The following APC variants were observed in gnomAD, a reference collection of about 807,000 sequenced individuals.
The protein encoded by APC is APC regulator of Wnt signaling pathway, also known as adenomatous polyposis coli protein.
In APC, 72 loss-of-function variants were observed where a neutral mutation model predicts 247.0. That is an observed-to-expected ratio of 0.29 (90% confidence interval 0.24 to 0.35). The LOEUF is 0.35. Ranked by LOEUF, APC falls within the 10% of genes least tolerant of loss-of-function variation. The pLI, the probability that APC is intolerant of heterozygous loss-of-function variation, is 1.00. For synonymous variants in APC, 1,254 were observed against 1,162.5 expected (o/e 1.08, Z -1.60); for missense variants, 3,400 against 3,360.7 (o/e 1.01, Z -0.29).
In APC at chr5:112,773,168, T is replaced by C. The variant is rs2707763; in HGVS notation, c.423-2461T>C. Among the ~76,000 whole-genome samples the C allele has an allele frequency of 0.42, 64,501 of 152,040 alleles. 15,966 individuals are homozygous for C. The highest frequency in any genetic ancestry group is 0.67 in the East Asian group (3,462 of 5,160). ...AGGTTGCCACATAAGAACAAAAGCT[T>C]ATTTCTTATTTTTTAAGTTGCTTCT... On this transcript the variant is annotated intron_variant, in intron 4 of 15. Transcript: ENST00000257430.
At position 112,841,091 on chromosome 5, in the gene APC, A is replaced by G. The variant is rs2149941627; in HGVS notation, c.5497A>G (p.Arg1833Gly). The change falls in exon 16 of 16, where the codon AGA becomes GGA. Residue 1833 changes from arginine (R) to glycine (G), a missense_variant. This residue lies in a region of APC where 1,788 missense variants were observed against 1,649.5 expected (regional missense o/e 1.08). Transcript: ENST00000257430. The surrounding 1 kb of genome is among the most constrained non-coding windows in gnomAD (Gnocchi z 4.6). ...TGATAAGCTCCCAAATAATGAAGAT[A>G]GAGTCAGAGGAAGTTTTGCTTTTGA... is the stretch of plus-strand genomic sequence containing the variant. ...FNDKLPNNEDRVRGSFAFDSP... is the reference protein window; with the variant it reads ...FNDKLPNNEDGVRGSFAFDSP... The G allele has an allele frequency of 1.2e-6, 2 of 1,612,942 alleles. No homozygotes were observed. Among genetic ancestry groups the G allele is most frequent in the Non-Finnish European group, 1.7e-6 (2 of 1,178,916 alleles).
At position 112,797,282 on chromosome 5, in the gene APC, G is replaced by A. The variant is rs545926924; in HGVS notation, c.730-3997G>A. On this transcript the variant is annotated intron_variant, in intron 7 of 15. Coordinates refer to ENST00000257430, the MANE Select transcript of APC (RefSeq NM_000038.6). ...ACTTTTTACAATTTTGCCGTTTGTG[G>A]TTTGTTTATTGCATTATTTTATTCT... 3.3e-5 allele frequency among the ~76,000 whole-genome samples: 5 copies of A among 152,252 alleles called. No individual in the cohort carries two copies. The South Asian group carries it at 1.0e-3, about 32-fold the overall frequency.
chr5:112,795,752 C>A (rs980030640), intron 7 of APC, among the ~76,000 whole-genome samples: 1 of 152,202 alleles, frequency 6.6e-6, no homozygotes, highest in Non-Finnish European at 1.5e-5. Context: ...ATACGTTTTT[C>A]TCATGCACCC....
chr5:112,831,974 A>T (rs753042987), intron 14 of APC, among the ~76,000 whole-genome samples: 1 of 152,096 alleles, frequency 6.6e-6, no homozygotes, highest in African/African-American at 2.4e-5. Flanking sequence ...TACTATCTTG[A>T]GTTCCTCCTA....
intron 7 of APC, among the ~76,000 whole-genome samples, chr5:112,795,218 G>A (rs554174268): frequency 8.5e-5 from 13 of 152,074 alleles, no homozygotes; most frequent in African/African-American, 3.1e-4. Flanking sequence ...AGTAGAGATG[G>A]GGTTTCACCA....
intron 2 of APC, among the ~76,000 whole-genome samples, chr5:112,757,090 C>T (rs1755065660): frequency 6.6e-6 from 1 of 152,078 alleles, no homozygotes; most frequent in Non-Finnish European, 1.5e-5. Context: ...ATACCTGAAA[C>T]CAACCATAAA....
At chr5:112,715,569 T>C (rs952138220) in intron 1 of APC, among the ~76,000 whole-genome samples, 1 of 152,180 alleles carries the variant, frequency 6.6e-6, no homozygotes, top group African/African-American at 2.4e-5. Flanking sequence ...TTGTGTATAG[T>C]TGGAATGAAT....
At chr5:112,745,150 A>G (rs1157496658) in intron 1 of APC, among the ~76,000 whole-genome samples, 1 of 152,338 alleles carries the variant, frequency 6.6e-6, no homozygotes, top group African/African-American at 2.4e-5. Context: ...AGAACTTTAT[A>G]TACTTTTCCT....
intron 2 of APC, among the ~76,000 whole-genome samples, chr5:112,764,121 C>G (rs1351117071): frequency 6.6e-6 from 1 of 151,392 alleles, no homozygotes; most frequent in Non-Finnish European, 1.5e-5. Context: ...TGGCGGGAGC[C>G]TGTAGTCCCA....
At chr5:112,813,853 C>A (rs947443026) in intron 8 of APC, among the ~76,000 whole-genome samples, 1 of 152,116 alleles carries the variant, frequency 6.6e-6, no homozygotes, top group Non-Finnish European at 1.5e-5. Context: ...TCCCCTTGTA[C>A]CCTCTAGAGT....
At chr5:112,771,064 G>T (rs1756991648) in intron 4 of APC, among the ~76,000 whole-genome samples, 1 of 152,050 alleles carries the variant, frequency 6.6e-6, no homozygotes, top group Admixed American at 6.5e-5. Context: ...TGTGAAATAA[G>T]TGGGTTTTTT....
chr5:112,793,146 C>T (rs140139845), intron 7 of APC, among the ~76,000 whole-genome samples: 1,639 of 152,222 alleles, frequency 0.011, 22 homozygotes, highest in Non-Finnish European at 0.013. Context: ...CTTTCCAGAA[C>T]CTCCCTACAA....
rs753209586 is a variant in APC, at chr5:112,838,935, G to A, written c.3341G>A (p.Arg1114Gln). The change falls in exon 16 of 16, where the codon CGA becomes CAA. Residue 1114 changes from arginine (R) to glutamine (Q), a missense_variant. Physicochemically the swap from Arg to Gln is conservative, Grantham distance 43 (BLOSUM62 1). Coordinates refer to ENST00000257430, the MANE Select transcript of APC (RefSeq NM_000038.6). ...GGAGCCAATGGTTCAGAAACAAATCGAGTGGGTTCTAATCATGGAATTAAT... is the reference window on the plus strand; with the variant it reads ...GGAGCCAATGGTTCAGAAACAAATCAAGTGGGTTCTAATCATGGAATTAAT... ...SRGANGSETN[R>Q]VGSNHGINQN... is the part of the protein sequence containing the mutation. The A allele has an allele frequency of 1.2e-5, 19 of 1,613,972 alleles. No homozygotes were observed. The highest frequency in any genetic ancestry group is 5.3e-5 in the African/African-American group (4 of 74,918).
intron 13 of APC, 82 bp from the exon 14 acceptor site, chr5:112,828,774 A>G (rs553542366): frequency 4.2e-6 from 4 of 962,008 alleles, no homozygotes; most frequent in African/African-American, 1.6e-5. Flanking sequence ...ATAGATTTCT[A>G]TTCTTACTGC....
rs730881248 is a variant in APC at position 112,839,657 on chromosome 5, T to C, written c.4063T>C (p.Ser1355Pro). ...AGCCAGGCACAAAGCTGTTGAATTT[T>C]CTTCAGGAGCGAAATCTCCCTCCAA... ...ESARHKAVEF[S>P]SGAKSPSKSG... Residue 1355 changes from serine to proline, a missense_variant, in exon 16 of 16, where the codon TCT becomes CCT. Coordinates refer to ENST00000257430, the MANE Select transcript of APC (RefSeq NM_000038.6). The surrounding 1 kb of genome is among the most constrained non-coding windows in gnomAD (Gnocchi z 5.0). 6.2e-7 allele frequency: 1 copy of C among 1,614,162 alleles called. No individual in the cohort carries two copies. The highest frequency in any genetic ancestry group is 8.5e-7 in the Non-Finnish European group (1 of 1,180,012).
chr5:112,744,683 G>C (rs1451712189), intron 1 of APC, among the ~76,000 whole-genome samples: 2 of 152,006 alleles, frequency 1.3e-5, no homozygotes, highest in South Asian at 2.1e-4. Flanking sequence ...AAGGGGAGGA[G>C]GTATAAACAA....
Position 112,827,187 on chromosome 5 carries a change from A to G in APC, c.1488A>G (p.Thr496=), listed in dbSNP as rs9282599. 1 of 1,613,964 alleles carries G rather than the reference A, an allele frequency of 6.2e-7. No individual in the cohort carries two copies. Among genetic ancestry groups the G allele is most frequent in the East Asian group, 2.2e-5 (1 of 44,840 alleles). The change falls in exon 12 of 16, where the codon ACA becomes ACG. Residue 496 remains threonine, a synonymous_variant. Coordinates refer to ENST00000257430, the MANE Select transcript of APC (RefSeq NM_000038.6). ...YGLTNDHYSI[T]LRRYAGMALT... The stretch of plus-strand genomic sequence containing the variant: ...TTACTAATGACCACTACAGTATTAC[A>G]CTAAGACGATATGCTGGAATGGCTT...
chr5:112,786,834 T>C (rs980632739), intron 6 of APC, among the ~76,000 whole-genome samples: 2 of 152,066 alleles, frequency 1.3e-5, no homozygotes, highest in Admixed American at 6.6e-5. Context: ...ATTTAGGTTT[T>C]GTGGACCATA....
intron 1 of APC, among the ~76,000 whole-genome samples, chr5:112,714,337 C>T (rs1292997864): frequency 6.6e-6 from 1 of 152,206 alleles, no homozygotes; most frequent in Non-Finnish European, 1.5e-5. Context: ...TGCCCCTGCA[C>T]ATGTATACAC....
Sources: allele counts gnomAD v4.1 joint callset (sites outside exome capture counted in the v4.1 genomes callset), GRCh38; gene constraint gnomAD v4.1.1; regional missense constraint gnomAD v4.1.1; non-coding constraint Gnocchi (gnomAD v3.1); transcripts MANE v1.5; gene names NCBI Gene and HGNC (gene_info 2026-07-23, HGNC 2026-07-21).